The following WRN variants were observed in gnomAD, a reference collection of about 807,000 sequenced individuals.
WRN encodes the protein WRN RecQ like helicase, also known as bifunctional 3'-5' exonuclease/ATP-dependent helicase WRN.
A neutral mutation model predicts 180.7 loss-of-function variants in WRN; 149 were observed. The observed-to-expected ratio is 0.82, with a 90% CI of 0.72 to 0.94. The LOEUF (loss-of-function observed/expected upper bound fraction) is 0.94. Ranked by LOEUF, WRN falls within the 40% of genes least tolerant of loss-of-function variation. The pLI, the probability that WRN is intolerant of heterozygous loss-of-function variation, is 0.00. For synonymous variants in WRN, 548 were observed against 568.9 expected (o/e 0.96, Z 0.52); for missense variants, 1,661 against 1,700.1 (o/e 0.98, Z 0.40).
intron 7 of WRN, among the ~76,000 whole-genome samples, chr8:31,071,047 A>G (rs77866829): frequency 2.5e-4 from 6 of 24,330 alleles, no homozygotes; most frequent in African/African-American, 4.9e-4. Context: ...CTGTCTCAGA[A>G]AAAAAAAAAA....
At chr8:31,121,203 A>G (rs1488506379) in intron 21 of WRN, among the ~76,000 whole-genome samples, 3 of 152,008 alleles carry the variant, frequency 2.0e-5, no homozygotes, top group Non-Finnish European at 4.4e-5. Flanking sequence ...ATGGTAACCA[A>G]TGGGGCTGCC....
intron 1 of WRN, among the ~76,000 whole-genome samples, chr8:31,057,772 G>A (rs1357152643): frequency 6.6e-6 from 1 of 151,140 alleles, no homozygotes; most frequent in South Asian, 2.1e-4. Flanking sequence ...CACACACCAC[G>A]TTTGAGAGAT....
intron 1 of WRN, among the ~76,000 whole-genome samples, chr8:31,034,871 C>G (rs948638825): frequency 2.0e-5 from 3 of 152,092 alleles, no homozygotes; most frequent in African/African-American, 7.2e-5. Context: ...TATGAGTTAT[C>G]GTGTCCAGCA....
chr8:31,162,003 A>G (rs917670696), intron 33 of WRN, among the ~76,000 whole-genome samples: 1 of 152,090 alleles, frequency 6.6e-6, no homozygotes, highest in African/African-American at 2.4e-5. Context: ...AACCCTGTGC[A>G]CTTAGGCCAC....
At chr8:31,136,424 C>T (rs1802398580) in intron 24 of WRN, among the ~76,000 whole-genome samples, 1 of 152,218 alleles carries the variant, frequency 6.6e-6, no homozygotes, top group African/African-American at 2.4e-5. Flanking sequence ...AGCTGAATGA[C>T]CTGTCCTAGG....
chr8:31,101,854 C>A (rs10503882), intron 18 of WRN, among the ~76,000 whole-genome samples: 18,299 of 143,112 alleles, frequency 0.13, 1,448 homozygotes, highest in South Asian at 0.18. Context: ...GGCATATTTA[C>A]ATGAATGGTT....
chr8:31,105,192 G>T (rs2130253181), intron 18 of WRN, among the ~76,000 whole-genome samples: 1 of 152,292 alleles, frequency 6.6e-6, no homozygotes, highest in Admixed American at 6.5e-5. Context: ...CAATGATGTG[G>T]CTGGCCTTGG....
intron 13 of WRN, 83 bp downstream of exon 13, chr8:31,089,048 A>G (rs1035451651): frequency 4.3e-6 from 5 of 1,155,664 alleles, no homozygotes; most frequent in Non-Finnish European, 6.3e-6. Flanking sequence ...TGTCTGCTTA[A>G]CAGCAACAGC....
At chr8:31,094,065 G>A (rs750473149) in intron 16 of WRN, among the ~76,000 whole-genome samples, 22 of 152,066 alleles carry the variant, frequency 1.4e-4, no homozygotes, top group Non-Finnish European at 2.2e-4. Flanking sequence ...ATGAACATTC[G>A]TATGTAAGTC....
intron 23 of WRN, among the ~76,000 whole-genome samples, chr8:31,128,979 T>A (rs1053754250): frequency 2.6e-5 from 4 of 152,356 alleles, no homozygotes; most frequent in South Asian, 2.1e-4. Context: ...TGTTTTATTT[T>A]TTTTTATTTT....
intron 8 of WRN, among the ~76,000 whole-genome samples, chr8:31,078,883 A>G (rs1157621262): frequency 1.3e-5 from 2 of 152,210 alleles, no homozygotes; most frequent in African/African-American, 4.8e-5. Flanking sequence ...TACATAAAGC[A>G]TGTTATATTC....
At chr8:31,040,811 C>T (rs1457240027) in intron 1 of WRN, among the ~76,000 whole-genome samples, 2 of 151,884 alleles carry the variant, frequency 1.3e-5, no homozygotes, top group African/African-American at 4.8e-5. Flanking sequence ...AGCAGTTAGC[C>T]AAAAGTTGAG....
chr8:31,116,256 A>G (rs1425839276), intron 19 of WRN, 98 bp from the exon 20 acceptor site: 4 of 1,238,558 alleles, frequency 3.2e-6, no homozygotes, highest in Non-Finnish European at 3.4e-6. Context: ...TCTTTTCTTT[A>G]GAAGGTAGAA....
intron 18 of WRN, among the ~76,000 whole-genome samples, chr8:31,101,751 C>T (rs1243884405): frequency 1.4e-5 from 2 of 138,184 alleles, no homozygotes; most frequent in Admixed American, 7.7e-5. Flanking sequence ...TGTGCCATTC[C>T]ACTCCAGCCT....
At chr8:31,081,654 AATAG>A (rs1321719131) in intron 9 of WRN, among the ~76,000 whole-genome samples, 6 of 152,160 alleles carry the variant, frequency 3.9e-5, no homozygotes, top group Non-Finnish European at 5.9e-5. Context: ...CTTTTTTCAT[AATAG>A]ATGTCTCTGC....
intron 17 of WRN, among the ~76,000 whole-genome samples, chr8:31,099,738 G>C (rs1814145926): frequency 6.6e-6 from 1 of 151,918 alleles, no homozygotes; most frequent in Non-Finnish European, 1.5e-5. Flanking sequence ...AAAGTGTTTG[G>C]ATAATAATAG....
At chr8:31,117,615 G>A (rs1801571219) in intron 20 of WRN, among the ~76,000 whole-genome samples, 1 of 152,054 alleles carries the variant, frequency 6.6e-6, no homozygotes, top group South Asian at 2.1e-4. Flanking sequence ...CCGAGGAAGA[G>A]CCCTCTCCTG....
chr8:31,154,494 A>G, intron 31 of WRN, 130 bp from the exon 32 acceptor site: 1 of 1,123,396 alleles, frequency 8.9e-7, no homozygotes, highest in South Asian at 1.8e-5. Context: ...AGCTCCCCAT[A>G]AAAAGGGAAT....
intron 19 of WRN, among the ~76,000 whole-genome samples, chr8:31,114,018 A>G (rs117413784): frequency 0.028 from 4,312 of 152,234 alleles, 87 homozygotes; most frequent in Middle Eastern, 0.051. Flanking sequence ...GAGATCAAGA[A>G]AGATTTTTGT....
Sources: allele counts gnomAD v4.1 joint callset (sites outside exome capture counted in the v4.1 genomes callset), GRCh38; gene constraint gnomAD v4.1.1; transcripts MANE v1.5; gene names NCBI Gene and HGNC (gene_info 2026-07-23, HGNC 2026-07-21).